IFT56: variants seen among roughly 807,000 people sequenced by gnomAD.
IFT56 encodes the protein intraflagellar transport protein 56.
chr7:139,166,052 G>A, the IFT56 span, among the ~76,000 whole-genome samples: 2 of 152,160 alleles, frequency 1.3e-5, no homozygotes, highest in African/African-American at 4.8e-5. Context: ...CTGCCTCCAA[G>A]TTTCAAGCAA....
the IFT56 span, chr7:139,148,250 A>G: frequency 6.2e-7 from 1 of 1,613,704 alleles, no homozygotes; most frequent in Non-Finnish European, 8.5e-7. Context: ...TGCTACTACA[A>G]GTTGGATTAC....
the IFT56 span, chr7:139,173,022 C>T: frequency 1.4e-6 from 1 of 729,880 alleles, no homozygotes; most frequent in Non-Finnish European, 2.6e-6. Flanking sequence ...TGGTGTGGCT[C>T]AGGGACCACC....
the IFT56 span, among the ~76,000 whole-genome samples, chr7:139,146,410 A>G: frequency 6.6e-6 from 1 of 152,212 alleles, no homozygotes; most frequent in African/African-American, 2.4e-5. Context: ...AATTGAATAC[A>G]CTAGGTTACA....
the IFT56 span, among the ~76,000 whole-genome samples, chr7:139,150,812 G>A: frequency 6.6e-6 from 1 of 152,296 alleles, no homozygotes; most frequent in South Asian, 2.1e-4. Context: ...ACTACTTTGA[G>A]TAACTTGTTC....
At chr7:139,178,336 C>A in the IFT56 span, 1 of 1,556,976 alleles carries the variant, frequency 6.4e-7, no homozygotes, top group Non-Finnish European at 8.8e-7. Context: ...ACTTTATATA[C>A]AAAATACTAT....
At chr7:139,152,268 A>C in the IFT56 span, among the ~76,000 whole-genome samples, 7 of 152,300 alleles carry the variant, frequency 4.6e-5, no homozygotes, top group East Asian at 1.4e-3. Flanking sequence ...CTGGAACTAC[A>C]GACATGCGCC....
chr7:139,174,184 C>G, the IFT56 span: 1 of 593,806 alleles, frequency 1.7e-6, no homozygotes, highest in Non-Finnish European at 3.3e-6. Flanking sequence ...CTTATCCCAG[C>G]TTCTGTTCCA....
At chr7:139,159,894 A>G in the IFT56 span, among the ~76,000 whole-genome samples, 1 of 152,200 alleles carries the variant, frequency 6.6e-6, no homozygotes, top group Non-Finnish European at 1.5e-5. Context: ...ATTTTAAGGC[A>G]TATTATTACT....
chr7:139,134,271 T>C, the IFT56 span, among the ~76,000 whole-genome samples: 1 of 134,500 alleles, frequency 7.4e-6, no homozygotes, highest in East Asian at 2.1e-4. Context: ...ATTTGACTTA[T>C]AATTTTTTTT....
the IFT56 span, among the ~76,000 whole-genome samples, chr7:139,142,641 C>A: frequency 6.6e-6 from 1 of 152,146 alleles, no homozygotes; most frequent in African/African-American, 2.4e-5. Context: ...ACCAGCTTGG[C>A]CAACATGGTG....
chr7:139,184,710 G>C, the IFT56 span, among the ~76,000 whole-genome samples: 32 of 152,062 alleles, frequency 2.1e-4, no homozygotes, highest in African/African-American at 6.5e-4. Flanking sequence ...GGAGTTCAAG[G>C]CCAGCCAGGG....
the IFT56 span, among the ~76,000 whole-genome samples, chr7:139,165,752 C>A: frequency 2.0e-5 from 3 of 152,138 alleles, no homozygotes; most frequent in African/African-American, 4.8e-5. Context: ...CCTAAAGCAG[C>A]CTTTTCTAAC....
chr7:139,147,378 C>A, the IFT56 span: 1 of 1,085,616 alleles, frequency 9.2e-7, no homozygotes, highest in Non-Finnish European at 1.3e-6. Flanking sequence ...TCCTCTGGAT[C>A]TAGTACCACT....
chr7:139,150,108 G>T, the IFT56 span, among the ~76,000 whole-genome samples: 1 of 152,044 alleles, frequency 6.6e-6, no homozygotes, highest in Non-Finnish European at 1.5e-5. Context: ...CCTCCAAATT[G>T]AATTGCTTAG....
chr7:139,150,159 A>C, the IFT56 span, among the ~76,000 whole-genome samples: 1 of 152,228 alleles, frequency 6.6e-6, no homozygotes, highest in Non-Finnish European at 1.5e-5. Context: ...ATATTAAATA[A>C]AATGCATTCT....
the IFT56 span, chr7:139,187,683 TTCTG>T: frequency 6.5e-6 from 7 of 1,074,662 alleles, no homozygotes; most frequent in Non-Finnish European, 9.2e-6. Context: ...TATTAAATAT[TTCTG>T]TCTGACCATT....
chr7:139,147,138 AT>A, the IFT56 span: 1 of 1,611,866 alleles, frequency 6.2e-7, no homozygotes, highest in Non-Finnish European at 8.5e-7. Context: ...CACTCTCACA[AT>A]TTTAGTTTAA....
At chr7:139,182,607 T>A in the IFT56 span, among the ~76,000 whole-genome samples, 1 of 152,072 alleles carries the variant, frequency 6.6e-6, no homozygotes, top group Non-Finnish European at 1.5e-5. Context: ...ACAATGTAGA[T>A]TTAGAAGTTA....
chr7:139,157,120 T>A, the IFT56 span, among the ~76,000 whole-genome samples: 1 of 150,766 alleles, frequency 6.6e-6, no homozygotes, highest in Non-Finnish European at 1.5e-5. Flanking sequence ...CTTTCTCCAT[T>A]TATTTAGATC....
Sources: gnomAD v4.1 joint callset for allele counts (sites outside exome capture counted in the v4.1 genomes callset) on GRCh38, gnomAD v4.1.1 for gene constraint, MANE v1.5 for transcripts, NCBI Gene and HGNC (gene_info 2026-07-23, HGNC 2026-07-21) for gene names.